The following STXBP5L variants were observed in gnomAD, a reference collection of about 807,000 sequenced individuals.
The protein encoded by STXBP5L is syntaxin-binding protein 5-like.
STXBP5L carries 65 observed loss-of-function variants against 144.5 expected under a neutral mutation model. The observed-to-expected ratio is 0.45, with a 90% CI of 0.37 to 0.55. STXBP5L has a LOEUF of 0.55. Ranked by LOEUF, STXBP5L falls within the 20% of genes least tolerant of loss-of-function variation. The pLI is 0.00. For missense variants in STXBP5L, 1,298 were observed against 1,405.5 expected (o/e 0.92, Z 1.22); for synonymous variants, 505 against 469.6 (o/e 1.08, Z -0.97).
At chr3:121,159,590 T>C (rs2108011932) in intron 9 of STXBP5L, among the ~76,000 whole-genome samples, 1 of 151,930 alleles carries the variant, frequency 6.6e-6, no homozygotes, top group Non-Finnish European at 1.5e-5. Flanking sequence ...CCAATTACCA[T>C]AGCATTCTAA....
intron 18 of STXBP5L, among the ~76,000 whole-genome samples, chr3:121,277,220 A>G (rs1406558928): frequency 6.6e-6 from 1 of 152,054 alleles, no homozygotes; most frequent in Non-Finnish European, 1.5e-5. Flanking sequence ...TCATCGTCAC[A>G]TAATGGAAGG....
rs563843231 is a variant in STXBP5L at position 121,368,546 on chromosome 3, T to C, written c.2177-10170T>C. On this transcript the variant is annotated intron_variant, in intron 20 of 26. Coordinates refer to ENST00000471454, the MANE Select transcript of STXBP5L (RefSeq NM_001308330.2). ...CTTCCCTGTCTCTTTGTGTACATTA[T>C]GATTTTTTTTGTTTAAAAGGGAACT... 4.6e-5 allele frequency among the ~76,000 whole-genome samples: 7 copies of C among 152,274 alleles called. No individual in the cohort carries two copies. In the East Asian group the frequency reaches 1.2e-3, roughly 25 times the overall value.
At chr3:121,043,853 T>C (rs2107559206) in intron 4 of STXBP5L, among the ~76,000 whole-genome samples, 1 of 152,350 alleles carries the variant, frequency 6.6e-6, no homozygotes, top group African/African-American at 2.4e-5. Flanking sequence ...TAACTATCTC[T>C]TGTAGAGAAT....
rs561199347 is a variant in STXBP5L, at chr3:121,183,330, A to T, written c.878-22593A>T. On this transcript the variant is annotated intron_variant, in intron 9 of 26. Coordinates refer to ENST00000471454, the MANE Select transcript of STXBP5L (RefSeq NM_001308330.2). ...AGAGAATAAAATGAAAGGCATCCAA[A>T]TTGGAAAAGAGGAACTCAAACTGTT... is the stretch of plus-strand genomic sequence containing the variant. Among the ~76,000 whole-genome samples, 5 of 152,354 alleles carry T rather than the reference A, an allele frequency of 3.3e-5. No individual in the cohort carries two copies. The South Asian group carries it at 1.0e-3, about 32-fold the overall frequency.
intron 20 of STXBP5L, among the ~76,000 whole-genome samples, chr3:121,355,770 CT>C (rs963038695): frequency 6.6e-6 from 1 of 152,186 alleles, no homozygotes; most frequent in African/African-American, 2.4e-5. Flanking sequence ...AAGAGGCACT[CT>C]GATTTTTCGA....
chr3:121,198,812 T>A (rs956744701), intron 9 of STXBP5L, among the ~76,000 whole-genome samples: 26 of 152,204 alleles, frequency 1.7e-4, no homozygotes, highest in African/African-American at 6.0e-4. Context: ...TGGTATTATT[T>A]CTGAGGTCTT....
chr3:120,912,937 G>T (rs934630040), intron 2 of STXBP5L, among the ~76,000 whole-genome samples: 1 of 151,472 alleles, frequency 6.6e-6, no homozygotes, highest in Non-Finnish European at 1.5e-5. Flanking sequence ...TCATTCTTTC[G>T]TTTCTGACTA....
At chr3:120,924,557 C>T (rs919014714) in intron 2 of STXBP5L, 1 of 152,460 alleles carries the variant, frequency 6.6e-6, no homozygotes, top group Non-Finnish European at 1.5e-5. Context: ...GAAGATGCTT[C>T]ATATTATCAG....
chr3:121,072,199 G>A (rs1414109260), intron 5 of STXBP5L, among the ~76,000 whole-genome samples: 3 of 152,186 alleles, frequency 2.0e-5, no homozygotes, highest in Non-Finnish European at 2.9e-5. Context: ...TTTCCTGGTA[G>A]GAAATGCCTT....
intron 5 of STXBP5L, among the ~76,000 whole-genome samples, chr3:121,088,391 G>T (rs572780903): frequency 3.5e-4 from 40 of 114,862 alleles, no homozygotes; most frequent in Admixed American, 8.7e-4. Context: ...ACCACTATGA[G>T]ATATCATCTC....
At chr3:121,140,881 G>A (rs1228338948) in intron 7 of STXBP5L, among the ~76,000 whole-genome samples, 1 of 152,116 alleles carries the variant, frequency 6.6e-6, no homozygotes, top group East Asian at 1.9e-4. Context: ...AATATAGAGT[G>A]TAGATGTTAT....
chr3:120,961,795 G>A (rs933391010), intron 3 of STXBP5L, among the ~76,000 whole-genome samples: 6 of 152,136 alleles, frequency 3.9e-5, no homozygotes, highest in African/African-American at 1.4e-4. Context: ...ACCCAGTAAT[G>A]GGATGGCTGG....
intron 22 of STXBP5L, among the ~76,000 whole-genome samples, chr3:121,406,675 C>A (rs1417741700): frequency 6.6e-6 from 1 of 151,854 alleles, no homozygotes; most frequent in African/African-American, 2.4e-5. Context: ...CTTTTTCATA[C>A]AATTAAAATT....
chr3:121,309,563 T>C (rs1241375619), intron 19 of STXBP5L, among the ~76,000 whole-genome samples: 1 of 152,098 alleles, frequency 6.6e-6, no homozygotes, highest in Non-Finnish European at 1.5e-5. Context: ...AGTTCCACTT[T>C]TAAAAATAGA....
rs1248468667 is a variant in STXBP5L, at chr3:121,423,254, G to A, written c.*4157G>A. 1 of 152,242 alleles carries A rather than the reference G, an allele frequency of 6.6e-6. No individual in the cohort carries two copies. The highest frequency in any genetic ancestry group is 2.4e-5 in the African/African-American group (1 of 41,432). The allele number at this position is 152,242 out of a possible 1,614,324, so 9.4% of individuals were successfully genotyped here. On this transcript the variant is annotated 3_prime_UTR_variant, in exon 27 of 27. Coordinates refer to ENST00000471454, the MANE Select transcript of STXBP5L (RefSeq NM_001308330.2). ...TGTCATGCAACTCCATTTTTGGCTA[G>A]GTACTATTTCACATGCACACTGTCC...
intron 11 of STXBP5L, among the ~76,000 whole-genome samples, chr3:121,232,412 GA>G (rs970685221): frequency 4.6e-5 from 7 of 151,768 alleles, no homozygotes; most frequent in African/African-American, 7.2e-5. Flanking sequence ...TAAAAAAGAG[GA>G]AAAAAAATGT....
intron 3 of STXBP5L, among the ~76,000 whole-genome samples, chr3:121,027,557 C>G (rs1339459767): frequency 6.6e-6 from 1 of 151,996 alleles, no homozygotes; most frequent in African/African-American, 2.4e-5. Flanking sequence ...TGGCTCTTGG[C>G]CCCTTTCCAT....
chr3:120,963,159 C>T (rs1939080168), intron 3 of STXBP5L, among the ~76,000 whole-genome samples: 1 of 152,176 alleles, frequency 6.6e-6, no homozygotes, highest in Admixed American at 6.5e-5. Flanking sequence ...TGCTTATCAG[C>T]TTAAGGAGAT....
chr3:121,219,301 A>G (rs1458575308), intron 10 of STXBP5L, among the ~76,000 whole-genome samples: 1 of 152,140 alleles, frequency 6.6e-6, no homozygotes, highest in Non-Finnish European at 1.5e-5. Context: ...TGCTCCAACT[A>G]TTACACGGCA....
Sources: allele counts gnomAD v4.1 joint callset (sites outside exome capture counted in the v4.1 genomes callset), GRCh38; gene constraint gnomAD v4.1.1; transcripts MANE v1.5; gene names NCBI Gene and HGNC (gene_info 2026-07-23, HGNC 2026-07-21).